Variants in GLB1L2 observed in about 807,000 individuals in gnomAD.
The protein encoded by GLB1L2 is galactosidase beta 1 like 2.
Under a neutral mutation model 84.1 loss-of-function variants are expected in GLB1L2, and 68 were observed. The observed-to-expected ratio is 0.81, with a 90% CI of 0.67 to 0.99. GLB1L2 has a LOEUF of 0.99. GLB1L2 is among the 50% of genes least tolerant of loss of function. The probability of loss-of-function intolerance (pLI) is 0.00; values close to 1 mark genes in which losing one functional copy is unlikely to be tolerated. For synonymous variants in GLB1L2, 290 were observed against 318.0 expected, an observed-to-expected ratio of 0.91 and a Z score of 0.94; for missense variants, 762 against 805.6, an observed-to-expected ratio of 0.95 and a Z score of 0.66.
intron 5 of GLB1L2, among the ~76,000 whole-genome samples, chr11:134,349,169 A>G (rs1332022565): frequency 6.6e-6 from 1 of 152,166 alleles, no homozygotes; most frequent in Non-Finnish European, 1.5e-5. Context: ...GCATTTGATC[A>G]TTTTAGCTAC....
chr11:134,362,391 C>T (rs1184631059), intron 7 of GLB1L2, among the ~76,000 whole-genome samples: 2 of 152,082 alleles, frequency 1.3e-5, no homozygotes, highest in African/African-American at 4.8e-5. Flanking sequence ...CACTCCATCT[C>T]CTGCGCGAGG....
In GLB1L2 at chr11:134,374,220, C is replaced by G. The variant is rs1315990300; in HGVS notation, c.1671C>G (p.Ile557Met). The change falls in exon 17 of 19, where the codon ATC becomes ATG. Residue 557 changes from isoleucine (I) to methionine (M), a missense_variant. Around this residue, in one of 3 missense-constraint regions of GLB1L2, gnomAD observed 603 missense variants for 611.7 expected, o/e 0.99. Coordinates refer to ENST00000535456, the MANE Select transcript of GLB1L2 (RefSeq NM_001370461.1). The part of the protein sequence containing the change: ...LPAFFLGSLS[I>M]SSTPCDTFLK... ...CTTTCTTCTTGGGTAGCTTGTCCATCAGCTCCACCCCTTGTGACACCTTTC... is the reference window on the plus strand; with the variant it reads ...CTTTCTTCTTGGGTAGCTTGTCCATGAGCTCCACCCCTTGTGACACCTTTC... 3.1e-6 allele frequency: 5 copies of G among 1,613,872 alleles called. No individual in the cohort carries two copies. The Admixed American group carries it at 6.7e-5, about 22-fold the overall frequency.
At chr11:134,333,827 G>T (rs1943339558) in intron 1 of GLB1L2, among the ~76,000 whole-genome samples, 1 of 152,208 alleles carries the variant, frequency 6.6e-6, no homozygotes, top group Non-Finnish European at 1.5e-5. Flanking sequence ...ACCAAATTCT[G>T]TGAAAACAGT....
intron 1 of GLB1L2, among the ~76,000 whole-genome samples, chr11:134,332,435 C>A (rs1369815323): frequency 6.6e-6 from 1 of 152,114 alleles, no homozygotes; most frequent in Non-Finnish European, 1.5e-5. Context: ...GCTCTGCCCC[C>A]CGTGGACGCC....
chr11:134,342,456 A>G (rs954160807), intron 1 of GLB1L2, among the ~76,000 whole-genome samples: 1 of 151,846 alleles, frequency 6.6e-6, no homozygotes, highest in African/African-American at 2.4e-5. Flanking sequence ...CCCCGGCCCC[A>G]GCAGCAGCCT....
At chr11:134,345,494 A>G (rs1943541332) in intron 4 of GLB1L2, among the ~76,000 whole-genome samples, 1 of 152,166 alleles carries the variant, frequency 6.6e-6, no homozygotes, top group African/African-American at 2.4e-5. Context: ...TTTTTGAGAC[A>G]GAGTCTTGCT....
At chr11:134,357,056 A>G (rs1943713565) in intron 6 of GLB1L2, among the ~76,000 whole-genome samples, 1 of 152,218 alleles carries the variant, frequency 6.6e-6, no homozygotes, top group Non-Finnish European at 1.5e-5. Flanking sequence ...CCCGCAGCTC[A>G]GTACTGTTCT....
chr11:134,373,713 T>C lies in GLB1L2; in HGVS notation c.1508-8T>C. 1 of 1,600,744 alleles carries C rather than the reference T, an allele frequency of 6.2e-7. No individual in the cohort carries two copies. Among genetic ancestry groups the C allele is most frequent in the Admixed American group, 1.7e-5 (1 of 59,594 alleles). On this transcript the variant is annotated splice_polypyrimidine_tract_variant and splice_region_variant and intron_variant, in intron 15 of 18. Transcript: ENST00000535456. ...GGGCTACCCACGTGTCCTGCCTCCCTCCCACAGGCTTAATTGGAAATCTCT... is the reference window on the plus strand; with the variant it reads ...GGGCTACCCACGTGTCCTGCCTCCCCCCCACAGGCTTAATTGGAAATCTCT...
Position 134,370,838 on chromosome 11 carries a change from T to C in GLB1L2, c.1216-170T>C, listed in dbSNP as rs1445267137. ...GCTGGTGCACACCCCTTTGCCCCACTCCTCTTCCCCGTCACCCTGGAGAGT... is the reference window on the plus strand; with the variant it reads ...GCTGGTGCACACCCCTTTGCCCCACCCCTCTTCCCCGTCACCCTGGAGAGT... On this transcript the variant is annotated intron_variant, in intron 12 of 18. Coordinates refer to ENST00000535456, the MANE Select transcript of GLB1L2 (RefSeq NM_001370461.1). The surrounding 1 kb of genome is among the most constrained non-coding windows in gnomAD (Gnocchi z 4.7). Among the ~76,000 whole-genome samples the C allele has an allele frequency of 6.6e-6, 1 of 152,090 alleles. No individual in the cohort carries two copies. The highest frequency in any genetic ancestry group is 1.5e-5 in the Non-Finnish European group (1 of 68,010).
At position 134,332,224 on chromosome 11, in the gene GLB1L2, C is replaced by T. The variant is rs1253141425; in HGVS notation, c.86+77C>T. 4 of 1,064,972 alleles carry T rather than the reference C, an allele frequency of 3.8e-6. No individual in the cohort carries two copies. The East Asian group carries it at 9.2e-5, about 24-fold the overall frequency. 66.0% of individuals were successfully genotyped at this position (1,064,972 alleles called of 1,614,324 possible). On this transcript the variant is annotated intron_variant, in intron 1 of 18. Transcript: ENST00000535456. ...CCGCACCTCGGGTTCTCTCCTCCCG[C>T]GACCCGCGAATCCCGAGTTCCCGGG...
intron 7 of GLB1L2, chr11:134,359,861 T>C (rs1267777511): frequency 6.6e-6 from 1 of 152,352 alleles, no homozygotes; most frequent in East Asian, 1.9e-4. Context: ...AACATCCAGA[T>C]CCCCAGCCTG....
At position 134,367,912 on chromosome 11, in the gene GLB1L2, C is replaced by CGAGCATCCCGGT. The variant is rs962604212; in HGVS notation, c.889+583_889+594dup. 5.3e-5 allele frequency among the ~76,000 whole-genome samples: 8 copies of CGAGCATCCCGGT among 152,262 alleles called. No individual in the cohort carries two copies. In the South Asian group the frequency reaches 8.3e-4, roughly 16 times the overall value. On this transcript the variant is annotated intron_variant, in intron 9 of 18. Transcript: ENST00000535456. The stretch of plus-strand genomic sequence containing the variant: ...TTCTGTTAAGCGCACGCCATCCCGG[C>CGAGCATCCCGGT]GAGCATCCCGGTGAGCATCCCGGAG...
intron 10 of GLB1L2, among the ~76,000 whole-genome samples, 156 bp from the exon 11 acceptor site, chr11:134,369,649 T>C (rs1943919520): frequency 6.6e-6 from 1 of 152,144 alleles, no homozygotes; most frequent in Non-Finnish European, 1.5e-5. Flanking sequence ...TGGTCTTTCA[T>C]GTTTACAGTA....
Position 134,374,728 on chromosome 11 carries a change from T to C in GLB1L2, c.1824+10T>C, listed in dbSNP as rs754733982. On this transcript the variant is annotated intron_variant, in intron 18 of 18. Transcript: ENST00000535456. ...CAGCGGAATCAACCAGGTGGGAGCT[T>C]CCAGCCCCTTCCTGTTCCCCATGAC... The C allele has an allele frequency of 6.3e-7, 1 of 1,594,470 alleles. No individual in the cohort carries two copies. Among genetic ancestry groups the C allele is most frequent in the South Asian group, 1.1e-5 (1 of 90,620 alleles).
At chr11:134,361,976 G>A (rs532668591) in intron 7 of GLB1L2, among the ~76,000 whole-genome samples, 19 of 152,272 alleles carry the variant, frequency 1.2e-4, no homozygotes, top group Non-Finnish European at 1.3e-4. Flanking sequence ...GCGCATCCGG[G>A]GAGCGGCCCA....
chr11:134,374,389 G>A (rs1372121550), intron 17 of GLB1L2, 133 bp downstream of exon 17: 15 of 802,806 alleles, frequency 1.9e-5, no homozygotes, highest in Admixed American at 9.8e-5. Context: ...GGCCGCTGGG[G>A]CCTCCCTGGG....
chr11:134,345,555 C>G (rs1565435174), intron 4 of GLB1L2, among the ~76,000 whole-genome samples: 1 of 152,212 alleles, frequency 6.6e-6, no homozygotes, highest in Non-Finnish European at 1.5e-5. Context: ...ACTGCAACCT[C>G]CGCCTCCCGG....
chr11:134,350,972 G>T (rs1943622180), intron 5 of GLB1L2, among the ~76,000 whole-genome samples: 1 of 152,160 alleles, frequency 6.6e-6, no homozygotes, highest in Non-Finnish European at 1.5e-5. Flanking sequence ...AGATCATGTT[G>T]TCTGTGAACA....
At chr11:134,332,492 G>T (rs1189630087) in intron 1 of GLB1L2, among the ~76,000 whole-genome samples, 2 of 152,066 alleles carry the variant, frequency 1.3e-5, no homozygotes, top group Non-Finnish European at 2.9e-5. Context: ...CCCCATCGCG[G>T]CCCCGTCCCC....
Sources: gnomAD v4.1 joint callset for allele counts (sites outside exome capture counted in the v4.1 genomes callset) on GRCh38, gnomAD v4.1.1 for gene constraint, gnomAD v4.1.1 regional missense constraint, Gnocchi (gnomAD v3.1) non-coding constraint, MANE v1.5 for transcripts, NCBI Gene and HGNC (gene_info 2026-07-23, HGNC 2026-07-21) for gene names.